Variants in HOOK3 observed in about 807,000 individuals in gnomAD.
HOOK3 encodes hook microtubule tethering protein 3.
HOOK3 carries 24 observed loss-of-function variants against 116.3 expected under a neutral mutation model. That is an observed-to-expected ratio of 0.21 (90% CI 0.15 to 0.29). HOOK3 has a LOEUF of 0.29. Among genes scored for constraint, HOOK3 ranks in the 10% least tolerant of loss-of-function variants. The pLI is 1.00. For missense variants in HOOK3, 632 were observed against 830.2 expected (o/e 0.76, Z 2.93); for synonymous variants, 275 against 283.0 (o/e 0.97, Z 0.28).
intron 1 of HOOK3, among the ~76,000 whole-genome samples, chr8:42,901,612 A>G (rs748956319): frequency 2.6e-5 from 4 of 152,204 alleles, no homozygotes; most frequent in Non-Finnish European, 4.4e-5. Context: ...ATGAGCAACT[A>G]TGTACCTCAA....
Position 43,018,597 on chromosome 8 carries a change from C to A in HOOK3, c.*99C>A. The A allele has an allele frequency of 8.2e-7, 1 of 1,226,396 alleles. No individual in the cohort carries two copies. Among genetic ancestry groups the A allele is most frequent in the African/African-American group, 1.5e-5 (1 of 65,854 alleles). The allele number at this position is 1,226,396 out of a possible 1,614,324, so 76.0% of individuals were successfully genotyped here. A position where few individuals can be genotyped will look rare whatever the true frequency, so the allele number is the denominator to read the frequency against. On this transcript the variant is annotated 3_prime_UTR_variant, in exon 22 of 22. Transcript: ENST00000307602. ...AACTCAGCCAGCTTATTTTTTGTTT[C>A]TCTTCTATGTCAATACTTAGTGTTT...
In HOOK3 at chr8:43,013,413, T is replaced by C; in HGVS notation, c.2016+13T>C. 1 of 1,560,646 alleles carries C rather than the reference T, an allele frequency of 6.4e-7. No individual in the cohort carries two copies. Among genetic ancestry groups the C allele is most frequent in the Middle Eastern group, 1.7e-4 (1 of 5,842 alleles). On this transcript the variant is annotated intron_variant, in intron 21 of 21. Transcript: ENST00000307602. ...CTGGTACAATATGGTAAGAAAATAG[T>C]ACTTTGGAGCATAATGAAAACTTCA...
chr8:42,993,778 A>T (rs1247644316), intron 15 of HOOK3, among the ~76,000 whole-genome samples: 4 of 151,986 alleles, frequency 2.6e-5, no homozygotes, highest in African/African-American at 2.4e-5. Flanking sequence ...AGATTTTTCA[A>T]TTTTTTGGCA....
At chr8:42,994,558 T>TA (rs1809228774) in intron 15 of HOOK3, 1 of 265,800 alleles carries the variant, frequency 3.8e-6, no homozygotes, top group African/African-American at 2.3e-5. Context: ...ATTTCTTCAC[T>TA]GACCCACTGG....
intron 6 of HOOK3, among the ~76,000 whole-genome samples, chr8:42,953,255 TAA>T (rs71231878): frequency 4.8e-4 from 51 of 107,368 alleles, no homozygotes; most frequent in South Asian, 1.2e-3. Context: ...GAGTTTATCC[TAA>T]AAAAAAAAAA....
Position 42,968,134 on chromosome 8 carries a change from A to T in HOOK3, c.1042A>T (p.Met348Leu), listed in dbSNP as rs759784298. The T allele has an allele frequency of 6.2e-7, 1 of 1,613,680 alleles. No homozygotes were observed. The change falls in exon 11 of 22, where the codon ATG becomes TTG. Residue 348 changes from methionine (M) to leucine (L), a missense_variant. Coordinates refer to ENST00000307602, the MANE Select transcript of HOOK3 (RefSeq NM_032410.4). ...KLLEEKNTMY[M>L]QNTVSLEEEL... ...CTTAGAAGAGAAGAATACCATGTAT[A>T]TGCAGAATACTGTCAGTCTAGAGGA... is the stretch of plus-strand genomic sequence containing the variant.
chr8:42,908,094 A>G (rs1807349241), intron 2 of HOOK3, among the ~76,000 whole-genome samples: 1 of 152,212 alleles, frequency 6.6e-6, no homozygotes. Flanking sequence ...AAAATAAAAT[A>G]CGTAGGAATA....
chr8:42,993,561 G>C (rs1164070378), intron 15 of HOOK3, among the ~76,000 whole-genome samples: 1 of 152,158 alleles, frequency 6.6e-6, no homozygotes, highest in African/African-American at 2.4e-5. Flanking sequence ...CTGTTTTTCA[G>C]AATAGTTTGA....
At chr8:42,939,955 T>C (rs1808072119) in intron 4 of HOOK3, among the ~76,000 whole-genome samples, 1 of 143,108 alleles carries the variant, frequency 7.0e-6, no homozygotes, top group Non-Finnish European at 1.5e-5. Flanking sequence ...CCTCACTTCC[T>C]AGATGGGATG....
intron 15 of HOOK3, among the ~76,000 whole-genome samples, chr8:42,996,022 G>T (rs1430044528): frequency 1.3e-5 from 2 of 152,072 alleles, no homozygotes; most frequent in East Asian, 3.9e-4. Flanking sequence ...CAATCCTTCA[G>T]TATCACCCAA....
At position 42,925,430 on chromosome 8, in the gene HOOK3, G is replaced by A. The variant is rs148143211; in HGVS notation, c.144-127G>A. The A allele has an allele frequency of 3.2e-4, 200 of 622,648 alleles. 3 individuals are homozygous for A. The East Asian group carries it at 5.7e-3, about 18-fold the overall frequency. 38.6% of individuals were successfully genotyped at this position (622,648 alleles called of 1,614,324 possible). ...CTGTTAGTAACACGAAAGTTATTTC[G>A]TGGCTGATATGTGTCAAATACATTT... On this transcript the variant is annotated intron_variant, in intron 2 of 21. Transcript: ENST00000307602.
At chr8:42,973,573 G>A (rs1808765293) in intron 12 of HOOK3, among the ~76,000 whole-genome samples, 174 bp downstream of exon 12, 2 of 152,046 alleles carry the variant, frequency 1.3e-5, no homozygotes, top group Non-Finnish European at 2.9e-5. Flanking sequence ...GCAAAAAAGT[G>A]GAAAGAATAT....
chr8:42,948,460 C>T (rs1386267684), intron 5 of HOOK3, among the ~76,000 whole-genome samples: 4 of 152,128 alleles, frequency 2.6e-5, no homozygotes, highest in East Asian at 3.9e-4. Context: ...ACGGTGTTCG[C>T]GGGGAAGGGC....
At chr8:42,905,056 T>C (rs934482151) in intron 1 of HOOK3, among the ~76,000 whole-genome samples, 1 of 152,210 alleles carries the variant, frequency 6.6e-6, no homozygotes, top group Non-Finnish European at 1.5e-5. Flanking sequence ...AGTACATTTC[T>C]TGGCTACATC....
rs1809304399 is a variant in HOOK3 at position 42,997,632 on chromosome 8, G to A, written c.1615G>A (p.Glu539Lys). ...KSLQDQGSKA[E>K]DSVLLKKKLE... is the part of the protein sequence containing the mutation. ...TTTACAGGATCAAGGCTCAAAAGCA[G>A]AAGATGTAAGTTTTAATATGTACCA... The change falls in exon 16 of 22, where the codon GAA becomes AAA. Residue 539 changes from glutamate to lysine, a missense_variant. By Grantham distance (56) the Glu-to-Lys change is moderately conservative. Around this residue, in one of 3 missense-constraint regions of HOOK3, gnomAD observed 483 missense variants for 648.1 expected, o/e 0.75. Coordinates refer to ENST00000307602, the MANE Select transcript of HOOK3 (RefSeq NM_032410.4). 2.5e-6 allele frequency: 4 copies of A among 1,571,058 alleles called. No individual in the cohort carries two copies. The highest frequency in any genetic ancestry group is 3.5e-6 in the Non-Finnish European group (4 of 1,141,224).
intron 5 of HOOK3, 80 bp from the exon 6 acceptor site, chr8:42,950,307 AG>A: frequency 1.1e-6 from 1 of 889,376 alleles, no homozygotes; most frequent in South Asian, 1.5e-5. Context: ...ATGACTTATA[AG>A]AATTTATGAA....
rs138040623 is a variant in HOOK3 at position 42,901,268 on chromosome 8, T to C, written c.57+4080T>C. On this transcript the variant is annotated intron_variant, in intron 1 of 21. Transcript: ENST00000307602. ...AGCTTCTTGGAATTAAAAGAAAGAT[T>C]ATAACCCTTCAGGTAGAGTTTCATG... is the stretch of plus-strand genomic sequence containing the variant. Among the ~76,000 whole-genome samples the C allele has an allele frequency of 5.3e-4, 81 of 152,304 alleles. 1 individual carries two copies. The highest frequency in any genetic ancestry group is 1.8e-3 in the African/African-American group (76 of 41,564).
At chr8:42,923,805 G>T (rs796427549) in intron 2 of HOOK3, among the ~76,000 whole-genome samples, 1 of 152,132 alleles carries the variant, frequency 6.6e-6, no homozygotes, top group Non-Finnish European at 1.5e-5. Flanking sequence ...AAATTGTGTC[G>T]TGAGTTATTT....
In HOOK3 at chr8:43,020,715, A is replaced by G. The variant is rs1343953590; in HGVS notation, c.*2217A>G. On this transcript the variant is annotated 3_prime_UTR_variant, in exon 22 of 22. Transcript: ENST00000307602. Reference sequence around the variant, plus strand: ...GGCGACAGAGTGAGACTCTGTCTCAATCAGTCAATCAATCAATCAATCAAA... The same window carrying G: ...GGCGACAGAGTGAGACTCTGTCTCAGTCAGTCAATCAATCAATCAATCAAA... 2 of 177,198 alleles carry G rather than the reference A, an allele frequency of 1.1e-5. No homozygotes were observed. The highest frequency in any genetic ancestry group is 2.4e-5 in the Non-Finnish European group (2 of 82,492). The allele number at this position is 177,198 out of a possible 1,614,324, so 11.0% of individuals were successfully genotyped here. A position where few individuals can be genotyped will look rare whatever the true frequency, so the allele number is the denominator to read the frequency against.
Sources: gnomAD v4.1 joint callset for allele counts (sites outside exome capture counted in the v4.1 genomes callset) on GRCh38, gnomAD v4.1.1 for gene constraint, gnomAD v4.1.1 regional missense constraint, MANE v1.5 for transcripts, NCBI Gene and HGNC (gene_info 2026-07-23, HGNC 2026-07-21) for gene names.